Variants in WASHC2A observed in about 807,000 individuals in gnomAD.
The protein encoded by WASHC2A is WASH complex subunit FAM21A.
In WASHC2A, 82 loss-of-function variants were observed where a neutral mutation model predicts 140.3. That is an observed-to-expected ratio of 0.58 (90% CI 0.49 to 0.70). The LOEUF (loss-of-function observed/expected upper bound fraction) is 0.70. WASHC2A is among the 30% of genes least tolerant of loss of function. WASHC2A has a pLI of 0.00. For missense variants in WASHC2A, 985 were observed against 1,521.8 expected (o/e 0.65, Z 5.87); for synonymous variants, 340 against 560.8 (o/e 0.61, Z 5.56).
Position 50,097,835 on chromosome 10 carries a change from T to C in WASHC2A, c.1548+33T>C, listed in dbSNP as rs1468412122. On this transcript the variant is annotated intron_variant, in intron 16 of 30. Transcript: ENST00000282633. ...GGAGGGAAGACTTAACGCAGGAGCA[T>C]TGATCTGCCGCATTTTAATAATTCA... 9 of 1,611,322 alleles carry C rather than the reference T, an allele frequency of 5.6e-6. No homozygotes were observed. The South Asian group carries it at 6.6e-5, about 12-fold the overall frequency.
At chr10:50,095,276 C>T in intron 14 of WASHC2A, 69 bp downstream of exon 14, 2 of 1,322,122 alleles carry the variant, frequency 1.5e-6, no homozygotes, top group Admixed American at 2.5e-5. Context: ...AAATTATCAT[C>T]TTCTAAAGTC....
intron 5 of WASHC2A, among the ~76,000 whole-genome samples, chr10:50,082,564 GTC>G (rs1839006896): frequency 6.7e-6 from 1 of 148,668 alleles, no homozygotes; most frequent in African/African-American, 2.5e-5. Flanking sequence ...TGCAGCTTCT[GTC>G]TCCTGGGTTC....
intron 20 of WASHC2A, among the ~76,000 whole-genome samples, chr10:50,113,029 AAAG>A (rs1308397971): frequency 6.6e-6 from 1 of 152,040 alleles, no homozygotes; most frequent in Non-Finnish European, 1.5e-5. Context: ...ATGCACTTTA[AAAG>A]AGTGAATCTG....
chr10:50,101,002 C>G (rs1381923016), intron 17 of WASHC2A, among the ~76,000 whole-genome samples: 4 of 152,310 alleles, frequency 2.6e-5, no homozygotes, highest in Non-Finnish European at 5.9e-5. Flanking sequence ...ATGGCAGAAA[C>G]TTACATGTAT....
At chr10:50,074,475 A>G (rs1203323048) in intron 3 of WASHC2A, among the ~76,000 whole-genome samples, 3 of 151,514 alleles carry the variant, frequency 2.0e-5, no homozygotes, top group African/African-American at 7.3e-5. Flanking sequence ...TTTGAAAATT[A>G]CCAAAGTAAT....
intron 11 of WASHC2A, among the ~76,000 whole-genome samples, chr10:50,092,506 A>G (rs1554883175): frequency 6.6e-6 from 1 of 151,918 alleles, no homozygotes; most frequent in African/African-American, 2.4e-5. Context: ...AAATACAAAA[A>G]ATTAGCTTGG....
intron 13 of WASHC2A, 115 bp from the exon 14 acceptor site, chr10:50,095,033 T>C (rs1292283111): frequency 3.2e-6 from 5 of 1,575,632 alleles, no homozygotes; most frequent in Non-Finnish European, 4.3e-6. Flanking sequence ...CAGGAAAAAG[T>C]GGTTTCAAAA....
chr10:50,076,571 G>C lies in WASHC2A; in HGVS notation c.292-2104G>C, dbSNP rs561246905. On this transcript the variant is annotated intron_variant, in intron 3 of 30. Coordinates refer to ENST00000282633, the MANE Select transcript of WASHC2A (RefSeq NM_001005751.3). ...TAAGGGGCACTTGAGTATGCTGCTA[G>C]TGACAGGGAATTCTACACATTTGTG... 4.6e-5 allele frequency among the ~76,000 whole-genome samples: 7 copies of C among 152,332 alleles called. 1 individual carries two copies. The South Asian group carries it at 1.5e-3, about 32-fold the overall frequency.
chr10:50,069,271 A>G (rs1554875316), intron 2 of WASHC2A, among the ~76,000 whole-genome samples: 2 of 150,960 alleles, frequency 1.3e-5, no homozygotes, highest in Admixed American at 1.3e-4. Flanking sequence ...CTAAAAATAC[A>G]CAAAATTAGT....
chr10:50,087,004 GC>G (rs201697355), intron 7 of WASHC2A, among the ~76,000 whole-genome samples: 5,427 of 142,240 alleles, frequency 0.038, 344 homozygotes, highest in African/African-American at 0.13. Flanking sequence ...AGTTGAAAGT[GC>G]AGGTGATGTG....
chr10:50,075,072 A>G (rs543639554), intron 3 of WASHC2A, among the ~76,000 whole-genome samples: 173 of 148,302 alleles, frequency 1.2e-3, no homozygotes, highest in African/African-American at 4.0e-3. Context: ...GTGTGTGTGT[A>G]TTTACATTTG....
At chr10:50,102,461 C>G (rs1237207416) in intron 17 of WASHC2A, among the ~76,000 whole-genome samples, 1 of 152,022 alleles carries the variant, frequency 6.6e-6, no homozygotes, top group African/African-American at 2.4e-5. Flanking sequence ...CTTTCATTTT[C>G]TTAGAACAGC....
At chr10:50,110,067 G>A in intron 19 of WASHC2A, 34 bp from the exon 20 acceptor site, 5 of 1,587,940 alleles carry the variant, frequency 3.1e-6, no homozygotes, top group Non-Finnish European at 4.3e-6. Flanking sequence ...ACTGCGCCTG[G>A]CCTGGAGTTT....
chr10:50,078,855 C>A, intron 4 of WASHC2A, 118 bp downstream of exon 4: 1 of 1,596,608 alleles, frequency 6.3e-7, no homozygotes, highest in South Asian at 1.1e-5. Context: ...AGGGACTGCT[C>A]CTGACAGCAG....
chr10:50,077,050 G>A (rs1838407922), intron 3 of WASHC2A, among the ~76,000 whole-genome samples: 1 of 150,996 alleles, frequency 6.6e-6, no homozygotes, highest in African/African-American at 2.4e-5. Flanking sequence ...CCAGGAGGCA[G>A]AGCTTGCAGT....
chr10:50,132,867 G>A lies in WASHC2A; in HGVS notation c.3948G>A (p.Gln1316=), dbSNP rs200875715. ...CCAAACCAAAAAGCCGATCTGCACA[G>A]GCCGCACCTGAACCAAGATTTGAAC... The part of the protein sequence containing the change: ...KTTKPKSRSA[Q]AAPEPRFEHK... Residue 1316 remains glutamine, a synonymous_variant, in exon 31 of 31, where the codon CAG becomes CAA. Transcript: ENST00000282633. 2,343 of 1,611,966 alleles carry A rather than the reference G, an allele frequency of 1.5e-3. 6 individuals are homozygous for A. Among genetic ancestry groups the A allele is most frequent in the Middle Eastern group, 8.8e-3 (39 of 4,428 alleles).
intron 16 of WASHC2A, 91 bp downstream of exon 16, chr10:50,097,893 C>G: frequency 6.3e-7 from 1 of 1,595,438 alleles, no homozygotes; most frequent in Non-Finnish European, 8.5e-7. Context: ...TGTTCCCTTT[C>G]ACGTTCATAT....
intron 5 of WASHC2A, among the ~76,000 whole-genome samples, chr10:50,081,356 G>A (rs1194834607): frequency 7.6e-6 from 1 of 130,968 alleles, no homozygotes; most frequent in East Asian, 2.2e-4. Flanking sequence ...TGTAGCTTGG[G>A]CTAAGGAAGA....
intron 6 of WASHC2A, among the ~76,000 whole-genome samples, chr10:50,084,818 C>G (rs1175791574): frequency 6.7e-6 from 1 of 149,304 alleles, no homozygotes; most frequent in African/African-American, 2.5e-5. Context: ...TCACTGCAAC[C>G]TCCACCTCCT....
Sources: allele counts gnomAD v4.1 joint callset (sites outside exome capture counted in the v4.1 genomes callset), GRCh38; gene constraint gnomAD v4.1.1; transcripts MANE v1.5; gene names NCBI Gene and HGNC (gene_info 2026-07-23, HGNC 2026-07-21).